Variants in RAB2A observed in about 807,000 individuals in gnomAD.
RAB2A encodes ras-related protein Rab-2A.
A neutral mutation model predicts 32.5 loss-of-function variants in RAB2A; 7 were observed. The ratio of observed to expected loss-of-function variants is 0.22; its 90% confidence interval spans 0.12 to 0.40. The LOEUF is 0.40. Ranked by LOEUF, RAB2A falls within the 10% of genes least tolerant of loss-of-function variation. RAB2A has a pLI of 1.00. For synonymous variants in RAB2A, 79 were observed against 85.2 expected, an observed-to-expected ratio of 0.93 and a Z score of 0.40; for missense variants, 108 against 260.7, an observed-to-expected ratio of 0.41 and a Z score of 4.03.
At chr8:60,533,826 T>C (rs920710755) in intron 1 of RAB2A, among the ~76,000 whole-genome samples, 2 of 152,018 alleles carry the variant, frequency 1.3e-5, no homozygotes, top group African/African-American at 4.8e-5. Flanking sequence ...AAAAATTAGC[T>C]GGGCGTGGTG....
intron 6 of RAB2A, among the ~76,000 whole-genome samples, chr8:60,610,416 G>C (rs1804323518): frequency 6.6e-6 from 1 of 152,122 alleles, no homozygotes; most frequent in Non-Finnish European, 1.5e-5. Flanking sequence ...ATCTTGTCTT[G>C]GGCTTTGTTG....
chr8:60,580,395 T>C (rs1446621353), intron 3 of RAB2A, among the ~76,000 whole-genome samples: 1 of 152,088 alleles, frequency 6.6e-6, no homozygotes, highest in Non-Finnish European at 1.5e-5. Context: ...ACAGTTTATT[T>C]ATAGTTAGAG....
At chr8:60,546,931 GTGTTTCTCGCAGA>G (rs1402208541) in intron 1 of RAB2A, among the ~76,000 whole-genome samples, 1 of 136,270 alleles carries the variant, frequency 7.3e-6, no homozygotes, top group Non-Finnish European at 1.5e-5. Flanking sequence ...TCATTCTTGG[GTGTTTCTCGCAGA>G]GGGGGATTTG....
At chr8:60,556,641 TAA>T (rs11393857) in intron 1 of RAB2A, among the ~76,000 whole-genome samples, 3,460 of 106,596 alleles carry the variant, frequency 0.032, 79 homozygotes, top group South Asian at 0.083. Context: ...CTCTTTTTAA[TAA>T]AAAAAAAAAA....
intron 3 of RAB2A, among the ~76,000 whole-genome samples, chr8:60,575,885 G>A (rs912549426): frequency 5.9e-5 from 9 of 152,144 alleles, no homozygotes; most frequent in African/African-American, 1.2e-4. Flanking sequence ...CCGAACTCCC[G>A]ACCTCAGGTG....
chr8:60,551,122 C>G (rs1807841370), intron 1 of RAB2A, among the ~76,000 whole-genome samples: 1 of 152,222 alleles, frequency 6.6e-6, no homozygotes, highest in South Asian at 2.1e-4. Context: ...TCCACCCCAG[C>G]GTTTCAGGTC....
chr8:60,535,085 T>G (rs1053684122), intron 1 of RAB2A, among the ~76,000 whole-genome samples: 3 of 152,194 alleles, frequency 2.0e-5, no homozygotes, highest in Admixed American at 6.5e-5. Flanking sequence ...CTGAGTAGTA[T>G]TCTTAAGAGA....
At chr8:60,541,937 T>C (rs144032376) in intron 1 of RAB2A, among the ~76,000 whole-genome samples, 2 of 152,234 alleles carry the variant, frequency 1.3e-5, no homozygotes, top group African/African-American at 4.8e-5. Flanking sequence ...GTTTTTCCCC[T>C]GAAACCAGAC....
At chr8:60,576,157 A>T (rs1459009626) in intron 3 of RAB2A, 1 of 453,710 alleles carries the variant, frequency 2.2e-6, no homozygotes, top group East Asian at 6.9e-5. Flanking sequence ...AAGCACTGAC[A>T]CTTGGCCCTT....
chr8:60,596,852 C>T (rs899532549), intron 6 of RAB2A, among the ~76,000 whole-genome samples: 1 of 152,006 alleles, frequency 6.6e-6, no homozygotes, highest in East Asian at 1.9e-4. Flanking sequence ...ACCCAGGAGG[C>T]GGAGCTTGCA....
intron 3 of RAB2A, among the ~76,000 whole-genome samples, chr8:60,577,399 G>C (rs1803652244): frequency 6.6e-6 from 1 of 152,094 alleles, no homozygotes; most frequent in Non-Finnish European, 1.5e-5. Flanking sequence ...CATTCAACTT[G>C]TGCTGTTTTT....
chr8:60,571,792 A>G (rs1005077972), intron 2 of RAB2A, among the ~76,000 whole-genome samples: 5 of 152,144 alleles, frequency 3.3e-5, no homozygotes, highest in Admixed American at 3.3e-4. Flanking sequence ...AAACATGAAG[A>G]CCACAGTTGG....
At chr8:60,614,465 T>C (rs1318324917) in intron 6 of RAB2A, among the ~76,000 whole-genome samples, 1 of 152,116 alleles carries the variant, frequency 6.6e-6, no homozygotes, top group African/African-American at 2.4e-5. Flanking sequence ...TTGCCCAGGC[T>C]GGTCTCAAAC....
At position 60,622,492 on chromosome 8, in the gene RAB2A, A is replaced by C. The variant is rs913690146; in HGVS notation, c.*1723A>C. On this transcript the variant is annotated 3_prime_UTR_variant, in exon 8 of 8. Transcript: ENST00000262646. ...TTTTTTCTTTCAAGTGGCTGTATCA[A>C]ATTCACTGGTCTTACTAATCACTGT... 6.6e-6 allele frequency: 1 copy of C among 152,220 alleles called. No individual in the cohort carries two copies. The highest frequency in any genetic ancestry group is 6.5e-5 in the Admixed American group (1 of 15,290). 9.4% of individuals were successfully genotyped at this position (152,220 alleles called of 1,614,324 possible).
chr8:60,559,498 T>G (rs1807989283), intron 2 of RAB2A, among the ~76,000 whole-genome samples: 1 of 152,224 alleles, frequency 6.6e-6, no homozygotes. Flanking sequence ...AAATAGTTAC[T>G]GGTAAGAAAT....
intron 6 of RAB2A, among the ~76,000 whole-genome samples, chr8:60,612,604 A>C (rs1438126088): frequency 2.0e-5 from 3 of 152,228 alleles, no homozygotes. Context: ...TAAAGGAAAG[A>C]TATATGTAGT....
chr8:60,566,957 A>G (rs544745336), intron 2 of RAB2A, among the ~76,000 whole-genome samples: 6 of 152,196 alleles, frequency 3.9e-5, no homozygotes, highest in South Asian at 2.1e-4. Flanking sequence ...TATGGCTGCT[A>G]TGTCTTTCTT....
chr8:60,547,090 T>A (rs1488280000), intron 1 of RAB2A, among the ~76,000 whole-genome samples: 4 of 151,072 alleles, frequency 2.6e-5, no homozygotes, highest in Non-Finnish European at 5.9e-5. Flanking sequence ...TAGGGAGTGG[T>A]GATGACTCTT....
chr8:60,598,673 T>TTA (rs1205076707), intron 6 of RAB2A, among the ~76,000 whole-genome samples: 1 of 152,016 alleles, frequency 6.6e-6, no homozygotes, highest in African/African-American at 2.4e-5. Context: ...AACCACGTGA[T>TTA]TATAGCAGTT....
Sources: allele counts gnomAD v4.1 joint callset (sites outside exome capture counted in the v4.1 genomes callset), GRCh38; gene constraint gnomAD v4.1.1; transcripts MANE v1.5; gene names NCBI Gene and HGNC (gene_info 2026-07-23, HGNC 2026-07-21).